FHIT: variants seen among roughly 807,000 people sequenced by gnomAD.
The protein encoded by FHIT is bis(5'-adenosyl)-triphosphatase.
Under a neutral mutation model 17.9 loss-of-function variants are expected in FHIT, and 19 were observed. That is an observed-to-expected ratio of 1.06 (90% CI 0.74 to 1.56). The LOEUF (loss-of-function observed/expected upper bound fraction) is 1.56, where lower values mean the gene tolerates loss of function less well. FHIT is among the 40% of genes most tolerant of loss of function. FHIT has a pLI of 0.00. For synonymous variants in FHIT, 81 were observed against 69.7 expected, an observed-to-expected ratio of 1.16 and a Z score of -0.81; for missense variants, 248 against 189.2, an observed-to-expected ratio of 1.31 and a Z score of -1.82.
chr3:60,634,812 A>G (rs1047295657), intron 4 of FHIT, among the ~76,000 whole-genome samples: 1 of 152,250 alleles, frequency 6.6e-6, no homozygotes, highest in African/African-American at 2.4e-5. Context: ...CATGCATTTA[A>G]AAGTCACAGG....
intron 3 of FHIT, among the ~76,000 whole-genome samples, chr3:60,983,367 C>T (rs922495412): frequency 1.3e-5 from 2 of 152,120 alleles, no homozygotes; most frequent in Admixed American, 6.5e-5. Flanking sequence ...TGTTACTCAG[C>T]ACAACTGATG....
intron 2 of FHIT, among the ~76,000 whole-genome samples, chr3:61,122,037 C>T (rs1385916297): frequency 6.6e-6 from 1 of 151,918 alleles, no homozygotes; most frequent in East Asian, 1.9e-4. Context: ...CTAACTATGA[C>T]ACTGACCAAG....
intron 5 of FHIT, among the ~76,000 whole-genome samples, chr3:60,168,394 T>C (rs545134224): frequency 3.3e-5 from 5 of 152,140 alleles, no homozygotes; most frequent in Non-Finnish European, 5.9e-5. Flanking sequence ...TGTTAATGGA[T>C]CTCTGCCAAT....
rs778723060 is a variant in FHIT, at chr3:60,516,252, CAT to C, written c.103+20606_103+20607del. Among the ~76,000 whole-genome samples the C allele has an allele frequency of 7.2e-5, 11 of 151,938 alleles. 1 individual carries two copies. The highest frequency in any genetic ancestry group is 2.0e-4 in the Admixed American group (3 of 15,248). On this transcript the variant is annotated intron_variant, in intron 5 of 9. Transcript: ENST00000492590. ...ATTCATTTACTTAAAATAATAAACC[CAT>C]ATGTTAATGTAATATTTTAATAATA...
chr3:60,386,335 C>T (rs574162895), intron 5 of FHIT, among the ~76,000 whole-genome samples: 51 of 152,216 alleles, frequency 3.4e-4, no homozygotes, highest in African/African-American at 1.1e-3. Context: ...ATTACCTTTC[C>T]GGCAGCACAT....
chr3:59,889,046 T>G (rs960629003), intron 8 of FHIT, among the ~76,000 whole-genome samples: 1 of 152,212 alleles, frequency 6.6e-6, no homozygotes, highest in African/African-American at 2.4e-5. Context: ...AATCACCTCT[T>G]CAAGTTCCCA....
At chr3:60,269,145 T>C (rs1036329172) in intron 5 of FHIT, among the ~76,000 whole-genome samples, 3 of 152,208 alleles carry the variant, frequency 2.0e-5, no homozygotes, top group African/African-American at 7.2e-5. Flanking sequence ...AAGTTTTCAG[T>C]AATCTGTTAT....
chr3:61,084,257 G>C (rs753219716), intron 2 of FHIT, among the ~76,000 whole-genome samples: 10 of 152,088 alleles, frequency 6.6e-5, no homozygotes, highest in Non-Finnish European at 1.0e-4. Context: ...ACTCCATTCT[G>C]TTCCATTAAT....
intron 5 of FHIT, among the ~76,000 whole-genome samples, chr3:60,202,379 T>G (rs1281097351): frequency 6.6e-6 from 1 of 152,216 alleles, no homozygotes; most frequent in Non-Finnish European, 1.5e-5. Flanking sequence ...CACATTTTCC[T>G]GACTCCTTTC....
chr3:61,195,683 A>G (rs1484537861), intron 2 of FHIT, among the ~76,000 whole-genome samples: 1 of 152,206 alleles, frequency 6.6e-6, no homozygotes, highest in African/African-American at 2.4e-5. Context: ...AGTATTTGTA[A>G]GTAATATAAT....
intron 4 of FHIT, among the ~76,000 whole-genome samples, chr3:60,647,076 A>G (rs1553686941): frequency 6.6e-6 from 1 of 152,146 alleles, no homozygotes; most frequent in Non-Finnish European, 1.5e-5. Flanking sequence ...ACTACTTCAC[A>G]TATTTCTTCC....
At chr3:60,427,091 T>C (rs1417007532) in intron 5 of FHIT, among the ~76,000 whole-genome samples, 3 of 152,052 alleles carry the variant, frequency 2.0e-5, no homozygotes, top group Non-Finnish European at 2.9e-5. Flanking sequence ...GTGAGCCATT[T>C]TAAGGGGCTG....
At chr3:60,631,618 T>C (rs1372326248) in intron 4 of FHIT, among the ~76,000 whole-genome samples, 1 of 151,982 alleles carries the variant, frequency 6.6e-6, no homozygotes, top group Non-Finnish European at 1.5e-5. Flanking sequence ...TTATGAAAAA[T>C]AGCCTTCTTT....
intron 8 of FHIT, among the ~76,000 whole-genome samples, chr3:59,756,204 T>A (rs1413583888): frequency 6.7e-6 from 1 of 148,676 alleles, no homozygotes; most frequent in Non-Finnish European, 1.5e-5. Context: ...ATCTGTATCT[T>A]TTGGACCTAA....
chr3:59,909,624 G>C (rs1005763147), intron 8 of FHIT, among the ~76,000 whole-genome samples: 55 of 152,100 alleles, frequency 3.6e-4, no homozygotes, highest in African/African-American at 1.3e-3. Context: ...ACAAGTCAAA[G>C]AGTAGAAATA....
Position 61,188,884 on chromosome 3 carries a change from C to G in FHIT, c.-164+11733G>C, listed in dbSNP as rs369306139. Among the ~76,000 whole-genome samples the G allele has an allele frequency of 2.0e-4, 31 of 152,134 alleles. No individual in the cohort carries two copies. In the East Asian group the frequency reaches 3.9e-3, roughly 19 times the overall value. ...AAGGCCTTTGACAAAATTCAACAAC[C>G]CTTCATGCTAAAAACTCTCAAAAAA... On this transcript the variant is annotated intron_variant, in intron 2 of 9. Transcript: ENST00000492590.
chr3:60,441,431 T>G (rs796839186), intron 5 of FHIT, among the ~76,000 whole-genome samples: 82 of 152,012 alleles, frequency 5.4e-4, no homozygotes, highest in African/African-American at 1.9e-3. Context: ...ATCATTTAAA[T>G]AGTGGGCTGA....
chr3:60,079,767 A>G (rs1703195750), intron 5 of FHIT, among the ~76,000 whole-genome samples: 1 of 152,104 alleles, frequency 6.6e-6, no homozygotes, highest in South Asian at 2.1e-4. Context: ...CTCCTGCGCA[A>G]CCATAAACTT....
chr3:59,974,496 G>A (rs1708323882), intron 7 of FHIT, among the ~76,000 whole-genome samples: 1 of 152,120 alleles, frequency 6.6e-6, no homozygotes, highest in South Asian at 2.1e-4. Context: ...CCTTCACCAA[G>A]CATGAGAAAC....
Sources: allele counts gnomAD v4.1 joint callset (sites outside exome capture counted in the v4.1 genomes callset), GRCh38; gene constraint gnomAD v4.1.1; transcripts MANE v1.5; gene names NCBI Gene and HGNC (gene_info 2026-07-23, HGNC 2026-07-21).